The following TRAF3 variants were observed in gnomAD, a reference collection of about 807,000 sequenced individuals.
TRAF3 encodes TNF receptor associated factor 3.
Under a neutral mutation model 62.3 loss-of-function variants are expected in TRAF3, and 13 were observed. That is an observed-to-expected ratio of 0.21 (90% CI 0.14 to 0.33). TRAF3 has a LOEUF of 0.33. Ranked by LOEUF, TRAF3 falls within the 10% of genes least tolerant of loss-of-function variation. The pLI, the probability that TRAF3 is intolerant of heterozygous loss-of-function variation, is 1.00. For missense variants in TRAF3, 440 were observed against 741.8 expected, an observed-to-expected ratio of 0.59 and a Z score of 4.73; for synonymous variants, 269 against 283.4, an observed-to-expected ratio of 0.95 and a Z score of 0.51.
chr14:102,780,906 G>C (rs7149434), intron 1 of TRAF3, among the ~76,000 whole-genome samples: 9,052 of 152,230 alleles, frequency 0.059, 897 homozygotes, highest in African/African-American at 0.21. Context: ...ACCAGGACAG[G>C]AGCTTGTGGC....
intron 2 of TRAF3, among the ~76,000 whole-genome samples, chr14:102,866,534 G>C (rs1359935446): frequency 6.6e-6 from 1 of 152,038 alleles, no homozygotes; most frequent in Non-Finnish European, 1.5e-5. Context: ...AATATTACGA[G>C]ACAGGAACCC....
chr14:102,868,379 C>G (rs1888131346), intron 2 of TRAF3, among the ~76,000 whole-genome samples: 1 of 152,150 alleles, frequency 6.6e-6, no homozygotes, highest in Non-Finnish European at 1.5e-5. Context: ...CCCTCACCTC[C>G]CTTCACAGCC....
chr14:102,894,269 G>A (rs1265828525), intron 9 of TRAF3, among the ~76,000 whole-genome samples: 2 of 152,182 alleles, frequency 1.3e-5, no homozygotes, highest in Non-Finnish European at 2.9e-5. Context: ...AGAGGTTGCA[G>A]TGAGCCAAGA....
chr14:102,808,253 C>T (rs1898895690), intron 1 of TRAF3, among the ~76,000 whole-genome samples: 1 of 152,106 alleles, frequency 6.6e-6, no homozygotes, highest in African/African-American at 2.4e-5. Context: ...TGGCTCACAC[C>T]TGTAATCCCA....
chr14:102,783,040 CTGCGTACACAAGGTAATGAGG>C (rs1416877207), intron 1 of TRAF3, among the ~76,000 whole-genome samples: 2 of 152,156 alleles, frequency 1.3e-5, no homozygotes, highest in Non-Finnish European at 2.9e-5. Context: ...GTTAGGAGGC[CTGCGTACACAAGGTAATGAGG>C]TGCTCGTTAG....
At chr14:102,796,000 T>A (rs1898063768) in intron 1 of TRAF3, among the ~76,000 whole-genome samples, 1 of 152,148 alleles carries the variant, frequency 6.6e-6, no homozygotes, top group Non-Finnish European at 1.5e-5. Flanking sequence ...GCGGATCACC[T>A]GAGGTCAGGA....
At chr14:102,815,841 A>G (rs1899485640) in intron 1 of TRAF3, among the ~76,000 whole-genome samples, 2 of 152,146 alleles carry the variant, frequency 1.3e-5, no homozygotes, top group African/African-American at 4.8e-5. Flanking sequence ...AAAAACTACC[A>G]TTTATAAAAC....
At chr14:102,831,103 C>T (rs927816889) in intron 2 of TRAF3, among the ~76,000 whole-genome samples, 4 of 152,194 alleles carry the variant, frequency 2.6e-5, no homozygotes, top group Non-Finnish European at 1.5e-5. Flanking sequence ...AGTGATTTCT[C>T]CCATTCTCCC....
At chr14:102,784,199 T>G (rs966864412) in intron 1 of TRAF3, among the ~76,000 whole-genome samples, 2 of 148,354 alleles carry the variant, frequency 1.3e-5, no homozygotes, top group Non-Finnish European at 3.0e-5. Context: ...CGTTTGCTCC[T>G]GGGAAGATGC....
chr14:102,900,179 G>GAAAAAAAAAAAAAAAAAAAA lies in TRAF3; in HGVS notation c.960+2778_960+2779insAAAAAAAAAAAAAAAAAAAA. Among the ~76,000 whole-genome samples, 2 of 83,768 alleles carry GAAAAAAAAAAAAAAAAAAAA rather than the reference G, an allele frequency of 2.4e-5. 1 individual carries two copies. Among genetic ancestry groups the GAAAAAAAAAAAAAAAAAAAA allele is most frequent in the African/African-American group, 1.0e-4 (2 of 19,240 alleles). The allele number at this position is 83,768 out of a possible 152,430, so 55.0% of individuals were successfully genotyped here. On this transcript the variant is annotated intron_variant, in intron 10 of 11. Coordinates refer to ENST00000392745, the MANE Select transcript of TRAF3 (RefSeq NM_145725.3). ...GGGAGAAAGAGCAAGACTCCGTCTC[G>GAAAAAAAAAAAAAAAAAAAA]GAAAAAAAAAAAAAAAAAAAAAAAG...
chr14:102,890,875 T>C (rs1003045069), intron 8 of TRAF3, among the ~76,000 whole-genome samples: 1 of 152,238 alleles, frequency 6.6e-6, no homozygotes, highest in Non-Finnish European at 1.5e-5. Context: ...GAATCCTGCT[T>C]TGCTTACGTG....
intron 1 of TRAF3, among the ~76,000 whole-genome samples, chr14:102,799,139 A>G (rs1416380774): frequency 6.6e-6 from 1 of 151,964 alleles, no homozygotes; most frequent in African/African-American, 2.4e-5. Context: ...GATTTGGACT[A>G]CTGAAAGCAG....
intron 2 of TRAF3, among the ~76,000 whole-genome samples, chr14:102,843,421 T>A (rs1440420006): frequency 6.6e-6 from 1 of 151,516 alleles, no homozygotes; most frequent in East Asian, 2.0e-4. Context: ...CACTGCAATC[T>A]CTGTCTCCCG....
intron 1 of TRAF3, among the ~76,000 whole-genome samples, chr14:102,817,034 A>G (rs1410897425): frequency 6.6e-6 from 1 of 152,124 alleles, no homozygotes; most frequent in African/African-American, 2.4e-5. Flanking sequence ...GGATGGTGCC[A>G]TTTCCTGAGC....
intron 3 of TRAF3, among the ~76,000 whole-genome samples, chr14:102,871,697 A>G (rs1331472299): frequency 1.3e-5 from 2 of 152,266 alleles, no homozygotes; most frequent in Non-Finnish European, 2.9e-5. Flanking sequence ...AAACTGTTCT[A>G]CTTGGTAACT....
intron 7 of TRAF3, 57 bp downstream of exon 7, chr14:102,886,326 G>T (rs756033602): frequency 8.8e-6 from 13 of 1,472,246 alleles, no homozygotes; most frequent in Non-Finnish European, 1.2e-5. Context: ...TGCGTGCCTG[G>T]CTCCCCTTCC....
intron 2 of TRAF3, among the ~76,000 whole-genome samples, chr14:102,853,515 G>A (rs1410274700): frequency 1.3e-5 from 2 of 152,066 alleles, no homozygotes; most frequent in Non-Finnish European, 2.9e-5. Context: ...CACTTAAAGT[G>A]TACAACTCAG....
At chr14:102,813,427 C>G (rs1899318632) in intron 1 of TRAF3, among the ~76,000 whole-genome samples, 1 of 151,886 alleles carries the variant, frequency 6.6e-6, no homozygotes, top group Non-Finnish European at 1.5e-5. Flanking sequence ...GGTAATCCCC[C>G]TGCCCCGGCT....
At chr14:102,800,824 T>G (rs1898359921) in intron 1 of TRAF3, among the ~76,000 whole-genome samples, 1 of 151,770 alleles carries the variant, frequency 6.6e-6, no homozygotes. Context: ...GCCTCTCAAG[T>G]AGCGAGGACT....
Sources: allele counts gnomAD v4.1 joint callset (sites outside exome capture counted in the v4.1 genomes callset), GRCh38; gene constraint gnomAD v4.1.1; transcripts MANE v1.5; gene names NCBI Gene and HGNC (gene_info 2026-07-23, HGNC 2026-07-21).